Variants in CCND1 observed in about 807,000 individuals in gnomAD.
CCND1 encodes the protein cyclin D1.
CCND1 carries 9 observed loss-of-function variants against 26.1 expected under a neutral mutation model. That is an observed-to-expected ratio of 0.35 (90% CI 0.21 to 0.60). The LOEUF (loss-of-function observed/expected upper bound fraction) is 0.60. Ranked by LOEUF, CCND1 falls within the 20% of genes least tolerant of loss-of-function variation. CCND1 has a pLI of 0.79. For synonymous variants in CCND1, 194 were observed against 166.1 expected, an observed-to-expected ratio of 1.17 and a Z score of -1.29; for missense variants, 335 against 392.9, an observed-to-expected ratio of 0.85 and a Z score of 1.25.
chr11:69,649,325 G>A (rs2120114121), intron 4 of CCND1, among the ~76,000 whole-genome samples: 1 of 152,336 alleles, frequency 6.6e-6, no homozygotes, highest in East Asian at 1.9e-4. Context: ...GGATGTTGCT[G>A]TCTTCGGGCA....
In CCND1 at chr11:69,653,969, C is replaced by T; in HGVS notation, c.*2687C>T. On this transcript the variant is annotated 3_prime_UTR_variant, in exon 5 of 5. Transcript: ENST00000227507. The stretch of plus-strand genomic sequence containing the variant: ...ATGCTAATTTAAAGAGACTCCAAAT[C>T]TCAATGAAGCCAGCTCACAGTGCTG... 1 of 579,492 alleles carries T rather than the reference C, an allele frequency of 1.7e-6. No individual in the cohort carries two copies. The highest frequency in any genetic ancestry group is 2.8e-5 in the East Asian group (1 of 35,832). The allele number at this position is 579,492 out of a possible 1,614,324, so 35.9% of individuals were successfully genotyped here. A position where few individuals can be genotyped will look rare whatever the true frequency, so the allele number is the denominator to read the frequency against.
intron 4 of CCND1, among the ~76,000 whole-genome samples, chr11:69,649,467 T>C (rs1392396107): frequency 3.0e-4 from 45 of 152,200 alleles, no homozygotes; most frequent in Admixed American, 2.9e-3. Flanking sequence ...CCTGATCAGC[T>C]AGTGACCAAC....
chr11:69,654,024 A>G lies in CCND1; in HGVS notation c.*2742A>G. 1.7e-6 allele frequency: 1 copy of G among 599,834 alleles called. No homozygotes were observed. Among genetic ancestry groups the G allele is most frequent in the Non-Finnish European group, 3.0e-6 (1 of 336,434 alleles). 37.2% of individuals were successfully genotyped at this position (599,834 alleles called of 1,614,324 possible). ...CCCCGGTCACCTAGCAAGCTGCCGA[A>G]CCAAAAGAATTTGCACCCCGCTGCG... is the stretch of plus-strand genomic sequence containing the variant. On this transcript the variant is annotated 3_prime_UTR_variant, in exon 5 of 5. Transcript: ENST00000227507. The surrounding 1 kb of genome is among the most constrained non-coding windows in gnomAD (Gnocchi z 6.3).
chr11:69,641,198 C>G lies in CCND1; in HGVS notation c.-116C>G. ...GTAGCAGCGAGCAGCAGAGTCCGCA[C>G]GCTCCGGCGAGGGGCAGAAGAGCGC... On this transcript the variant is annotated 5_prime_UTR_variant, in exon 1 of 5. Transcript: ENST00000227507. 1 of 1,037,560 alleles carries G rather than the reference C, an allele frequency of 9.6e-7. No homozygotes were observed. The highest frequency in any genetic ancestry group is 2.4e-5 in the East Asian group (1 of 41,796). 64.3% of individuals were successfully genotyped at this position (1,037,560 alleles called of 1,614,324 possible).
intron 4 of CCND1, among the ~76,000 whole-genome samples, chr11:69,649,591 C>T (rs1203579253): frequency 2.0e-5 from 3 of 152,216 alleles, no homozygotes; most frequent in Admixed American, 6.5e-5. Context: ...AAATCGGGTG[C>T]GCAGTGCCAC....
chr11:69,641,579 C>T (rs2120082504), intron 1 of CCND1, 68 bp downstream of exon 1: 2 of 1,417,798 alleles, frequency 1.4e-6, no homozygotes, highest in Non-Finnish European at 9.9e-7. Context: ...CGTTTCTTTG[C>T]TACTCACCCC....
intron 4 of CCND1, 95 bp from the exon 5 acceptor site, chr11:69,651,023 A>G (rs995749998): frequency 3.2e-6 from 4 of 1,235,374 alleles, no homozygotes; most frequent in Non-Finnish European, 4.5e-6. Context: ...GCTCTTATAA[A>G]GGCTTCCGGG....
chr11:69,647,480 C>A (rs1004376751), intron 3 of CCND1, among the ~76,000 whole-genome samples: 1 of 151,248 alleles, frequency 6.6e-6, no homozygotes, highest in African/African-American at 2.4e-5. Flanking sequence ...AGCCCCGTGG[C>A]CTGGCCCGGG....
chr11:69,647,728 T>C (rs979891459), intron 3 of CCND1, among the ~76,000 whole-genome samples: 5 of 152,228 alleles, frequency 3.3e-5, no homozygotes, highest in Non-Finnish European at 7.3e-5. Context: ...TCCTGTGTCT[T>C]CCCGTGGCTT....
chr11:69,645,856 G>A (rs1855771671), intron 3 of CCND1, among the ~76,000 whole-genome samples: 2 of 152,196 alleles, frequency 1.3e-5, no homozygotes, highest in South Asian at 4.1e-4. Flanking sequence ...GTGTGCACAT[G>A]CTGCATACAC....
rs1855692971 is a variant in CCND1, at chr11:69,641,193, C to G, written c.-121C>G. On this transcript the variant is annotated 5_prime_UTR_variant, in exon 1 of 5. Coordinates refer to ENST00000227507, the MANE Select transcript of CCND1 (RefSeq NM_053056.3). ...GCGCAGTAGCAGCGAGCAGCAGAGT[C>G]CGCACGCTCCGGCGAGGGGCAGAAG... 4.0e-6 allele frequency: 4 copies of G among 991,078 alleles called. No homozygotes were observed. Among genetic ancestry groups the G allele is most frequent in the Middle Eastern group, 6.3e-4 (2 of 3,150 alleles). 61.4% of individuals were successfully genotyped at this position (991,078 alleles called of 1,614,324 possible).
chr11:69,643,215 C>G lies in CCND1; in HGVS notation c.383C>G (p.Thr128Ser). The G allele has an allele frequency of 6.3e-7, 1 of 1,598,640 alleles. No individual in the cohort carries two copies. The highest frequency in any genetic ancestry group is 8.5e-7 in the Non-Finnish European group (1 of 1,173,202). Residue 128 changes from threonine (T) to serine (S), a missense_variant, in exon 2 of 5, where the codon ACC becomes AGC. Physicochemically the swap from Thr to Ser is moderately conservative, Grantham distance 58. Transcript: ENST00000227507. ...ACGGCCGAGAAGCTGTGCATCTACA[C>G]CGACAACTCCATCCGGCCCGAGGAG... ...PLTAEKLCIY[T>S]DNSIRPEELL...
At chr11:69,646,150 G>A (rs1855776251) in intron 3 of CCND1, among the ~76,000 whole-genome samples, 1 of 152,206 alleles carries the variant, frequency 6.6e-6, no homozygotes, top group African/African-American at 2.4e-5. Flanking sequence ...ACAAGGTGCG[G>A]AGCCAGCTAG....
chr11:69,648,402 G>A (rs1469386117), intron 4 of CCND1, among the ~76,000 whole-genome samples: 2 of 152,244 alleles, frequency 1.3e-5, no homozygotes, highest in African/African-American at 2.4e-5. Context: ...GTTTCTGGGC[G>A]AAGCGTCCGG....
Position 69,643,138 on chromosome 11 carries a change from G to C in CCND1, c.306G>C (p.Leu102=). 2 of 1,610,104 alleles carry C rather than the reference G, an allele frequency of 1.2e-6. No homozygotes were observed. The highest frequency in any genetic ancestry group is 2.2e-5 in the East Asian group (1 of 44,720). ...TGAAAAAGAGCCGCCTGCAGCTGCT[G>C]GGGGCCACTTGCATGTTCGTGGCCT... ...EPVKKSRLQL[L]GATCMFVASK... The change falls in exon 2 of 5, where the codon CTG becomes CTC. Residue 102 remains leucine (L), a synonymous_variant. Coordinates refer to ENST00000227507, the MANE Select transcript of CCND1 (RefSeq NM_053056.3).
At chr11:69,643,469 C>G (rs573716187) in intron 2 of CCND1, among the ~76,000 whole-genome samples, 1 of 152,228 alleles carries the variant, frequency 6.6e-6, no homozygotes, top group African/African-American at 2.4e-5. Flanking sequence ...CCACCGCGTT[C>G]GCGCCCCGCG....
chr11:69,643,704 G>A, intron 2 of CCND1, 128 bp from the exon 3 acceptor site: 1 of 815,772 alleles, frequency 1.2e-6, no homozygotes, highest in Non-Finnish European at 1.9e-6. Context: ...ATCCAGGACC[G>A]CACGAGACGC....
At chr11:69,650,652 G>A (rs1001201091) in intron 4 of CCND1, among the ~76,000 whole-genome samples, 4 of 152,218 alleles carry the variant, frequency 2.6e-5, no homozygotes, top group African/African-American at 4.8e-5. Context: ...CCAAGGCTTC[G>A]ACAGCCATTG....
chr11:69,644,643 C>G (rs3212868), intron 3 of CCND1, among the ~76,000 whole-genome samples: 2,524 of 152,356 alleles, frequency 0.017, 89 homozygotes, highest in African/African-American at 0.058. Flanking sequence ...CCAGTCCTCA[C>G]TTCCCCTGGC....
Sources: gnomAD v4.1 joint callset for allele counts (sites outside exome capture counted in the v4.1 genomes callset) on GRCh38, gnomAD v4.1.1 for gene constraint, Gnocchi (gnomAD v3.1) non-coding constraint, MANE v1.5 for transcripts, NCBI Gene and HGNC (gene_info 2026-07-23, HGNC 2026-07-21) for gene names.